Variants in JAZF1 observed in about 807,000 individuals in gnomAD.
JAZF1 encodes JAZF zinc finger 1.
In JAZF1, 8 loss-of-function variants were observed where a neutral mutation model predicts 26.4. The observed-to-expected ratio is 0.30, with a 90% CI of 0.18 to 0.55. The LOEUF (loss-of-function observed/expected upper bound fraction) is 0.55. Ranked by LOEUF, JAZF1 falls within the 20% of genes least tolerant of loss-of-function variation. The pLI is 0.94. For missense variants in JAZF1, 199 were observed against 322.0 expected, an observed-to-expected ratio of 0.62 and a Z score of 2.92; for synonymous variants, 126 against 122.3, an observed-to-expected ratio of 1.03 and a Z score of -0.20.
chr7:28,018,077 T>C (rs1365679976), intron 1 of JAZF1, among the ~76,000 whole-genome samples: 1 of 151,830 alleles, frequency 6.6e-6, no homozygotes, highest in Non-Finnish European at 1.5e-5. Context: ...GGCAGGGAGA[T>C]GAAAAGGAGA....
At chr7:28,176,581 A>G (rs934629152) in intron 1 of JAZF1, among the ~76,000 whole-genome samples, 3 of 152,116 alleles carry the variant, frequency 2.0e-5, no homozygotes, top group South Asian at 2.1e-4. Flanking sequence ...ACATACCTCA[A>G]TTGTTTATTG....
intron 2 of JAZF1, among the ~76,000 whole-genome samples, chr7:27,898,162 T>TAGAG (rs1784102342): frequency 6.6e-6 from 1 of 151,972 alleles, no homozygotes; most frequent in Admixed American, 6.6e-5. Flanking sequence ...GTGCCTCGTG[T>TAGAG]AGAGCAGAAA....
chr7:28,050,532 T>C (rs1783595099), intron 1 of JAZF1, among the ~76,000 whole-genome samples: 1 of 152,198 alleles, frequency 6.6e-6, no homozygotes. Flanking sequence ...ATAGTATTTT[T>C]AAACGTCCAT....
chr7:27,973,196 A>G (rs746480595), intron 2 of JAZF1, among the ~76,000 whole-genome samples: 1 of 152,170 alleles, frequency 6.6e-6, no homozygotes, highest in Non-Finnish European at 1.5e-5. Flanking sequence ...CTATTATTCA[A>G]TAGTCATAGC....
intron 1 of JAZF1, among the ~76,000 whole-genome samples, chr7:28,171,580 G>A (rs1361118126): frequency 3.9e-5 from 6 of 152,146 alleles, no homozygotes; most frequent in Non-Finnish European, 7.3e-5. Context: ...TGTGGGCAGG[G>A]GCTACAGGAC....
intron 1 of JAZF1, among the ~76,000 whole-genome samples, chr7:28,090,103 T>A (rs1292466340): frequency 6.6e-6 from 1 of 152,206 alleles, no homozygotes; most frequent in East Asian, 1.9e-4. Context: ...AATCCCAATA[T>A]CCACTGTAGA....
intron 1 of JAZF1, among the ~76,000 whole-genome samples, chr7:28,035,082 CGAG>C (rs1783262695): frequency 6.6e-6 from 1 of 151,712 alleles, no homozygotes; most frequent in South Asian, 2.1e-4. Flanking sequence ...TTTGGGAGTC[CGAG>C]GCAAGTGGAT....
At chr7:27,868,673 G>T (rs1366624642) in intron 3 of JAZF1, among the ~76,000 whole-genome samples, 1 of 152,156 alleles carries the variant, frequency 6.6e-6, no homozygotes, top group African/African-American at 2.4e-5. Context: ...ATTAACTCTG[G>T]CAGTGAGAGG....
chr7:27,956,040 A>G (rs1785083020), intron 2 of JAZF1, among the ~76,000 whole-genome samples: 2 of 152,220 alleles, frequency 1.3e-5, no homozygotes, highest in South Asian at 4.1e-4. Flanking sequence ...TGCTGGAGGA[A>G]GGGACCATGA....
At chr7:28,172,635 T>C (rs1299517575) in intron 1 of JAZF1, among the ~76,000 whole-genome samples, 1 of 152,096 alleles carries the variant, frequency 6.6e-6, no homozygotes, top group Non-Finnish European at 1.5e-5. Flanking sequence ...ATTTTACACA[T>C]CTAACAAGTG....
chr7:27,895,157 T>C, intron 3 of JAZF1, 63 bp downstream of exon 3: 1 of 1,164,118 alleles, frequency 8.6e-7, no homozygotes, highest in Non-Finnish European at 1.2e-6. Context: ...CCCCAGCACA[T>C]CACACACACT....
At chr7:28,029,866 G>T (rs906695397) in intron 1 of JAZF1, among the ~76,000 whole-genome samples, 3 of 152,186 alleles carry the variant, frequency 2.0e-5, no homozygotes, top group African/African-American at 4.8e-5. Flanking sequence ...GGAATCAGTG[G>T]TAAGTTCAGA....
In JAZF1 at chr7:28,147,462, C is replaced by T. The variant is rs142887574; in HGVS notation, c.115+33001G>A. 4.8e-3 allele frequency among the ~76,000 whole-genome samples: 726 copies of T among 151,976 alleles called. 7 individuals are homozygous for T. The highest frequency in any genetic ancestry group is 0.017 in the African/African-American group (699 of 41,502). On this transcript the variant is annotated intron_variant, in intron 1 of 4. Coordinates refer to ENST00000283928, the MANE Select transcript of JAZF1 (RefSeq NM_175061.4). ...CTGTACACACTTAACATATTTCTTT[C>T]AGATCACTTTTCCTCTACTAGTAAA...
At chr7:28,037,373 T>C (rs1006440567) in intron 1 of JAZF1, among the ~76,000 whole-genome samples, 1 of 152,218 alleles carries the variant, frequency 6.6e-6, no homozygotes, top group South Asian at 2.1e-4. Flanking sequence ...ACATGATTCA[T>C]CTGTGTAGTA....
intron 1 of JAZF1, among the ~76,000 whole-genome samples, chr7:28,096,757 T>C (rs1784393503): frequency 6.6e-6 from 1 of 152,196 alleles, no homozygotes; most frequent in Non-Finnish European, 1.5e-5. Flanking sequence ...ATTCTAGCTC[T>C]GGGGTGTGGA....
chr7:27,856,248 G>C (rs960486949), intron 3 of JAZF1, among the ~76,000 whole-genome samples: 1 of 152,200 alleles, frequency 6.6e-6, no homozygotes, highest in Non-Finnish European at 1.5e-5. Flanking sequence ...TTCGCGGTGA[G>C]CGTTACAGCT....
intron 1 of JAZF1, among the ~76,000 whole-genome samples, chr7:28,103,879 C>G (rs1784511897): frequency 6.6e-6 from 1 of 152,186 alleles, no homozygotes; most frequent in Non-Finnish European, 1.5e-5. Context: ...ATGAAAGCAC[C>G]CATTCATCCA....
intron 3 of JAZF1, chr7:27,842,592 A>G (rs939268819): frequency 6.6e-6 from 1 of 152,176 alleles, no homozygotes; most frequent in African/African-American, 2.4e-5. Context: ...CCCTAAATAA[A>G]GAGAGCCGGT....
chr7:28,128,246 G>C (rs1782730856), intron 1 of JAZF1, among the ~76,000 whole-genome samples: 1 of 152,102 alleles, frequency 6.6e-6, no homozygotes, highest in African/African-American at 2.4e-5. Context: ...ATATTCGACT[G>C]GGCGCAGTGC....
Sources: gnomAD v4.1 joint callset for allele counts (sites outside exome capture counted in the v4.1 genomes callset) on GRCh38, gnomAD v4.1.1 for gene constraint, MANE v1.5 for transcripts, NCBI Gene and HGNC (gene_info 2026-07-23, HGNC 2026-07-21) for gene names.